ARHGAP1: variants seen among roughly 807,000 people sequenced by gnomAD.
ARHGAP1 encodes the protein Rho GTPase activating protein 1.
In ARHGAP1, 23 loss-of-function variants were observed where a neutral mutation model predicts 52.2. The observed-to-expected ratio is 0.44, with a 90% CI of 0.32 to 0.62. The LOEUF (loss-of-function observed/expected upper bound fraction) is 0.62, where lower values mean the gene tolerates loss of function less well. Ranked by LOEUF, ARHGAP1 falls within the 20% of genes least tolerant of loss-of-function variation. The probability of loss-of-function intolerance (pLI) is 0.05; values close to 1 mark genes in which losing one functional copy is unlikely to be tolerated. For missense variants in ARHGAP1, 480 were observed against 560.9 expected, an observed-to-expected ratio of 0.86 and a Z score of 1.46; for synonymous variants, 210 against 228.4, an observed-to-expected ratio of 0.92 and a Z score of 0.73.
chr11:46,693,427 C>T (rs761799804), intron 3 of ARHGAP1, among the ~76,000 whole-genome samples: 71 of 145,502 alleles, frequency 4.9e-4, no homozygotes, highest in Non-Finnish European at 9.1e-4. Flanking sequence ...TTTCTTTGAG[C>T]CAGGATCTTG....
chr11:46,700,119 G>A (rs111493493), intron 1 of ARHGAP1, among the ~76,000 whole-genome samples: 3 of 152,142 alleles, frequency 2.0e-5, no homozygotes, highest in East Asian at 3.9e-4. Context: ...GCAGTGAACC[G>A]AGACTCCAGC....
In ARHGAP1 at chr11:46,679,724, G is replaced by A. The variant is rs974819576; in HGVS notation, c.951C>T (p.Ile317=). The change falls in exon 11 of 13, where the codon ATC becomes ATT. Residue 317 remains isoleucine, a synonymous_variant. Coordinates refer to ENST00000311956, the MANE Select transcript of ARHGAP1 (RefSeq NM_004308.5). This position sits in a 1 kb window ranked among gnomAD's most constrained non-coding sequence, Gnocchi z 4.4. ...QYNELHLPAV[I]LKTFLRELPE... ...GAAGCTCCCGGAGGAAGGTCTTGAG[G>A]ATGACTGCTGGCAGGTGCAGCTCAT... 1 of 1,613,990 alleles carries A rather than the reference G, an allele frequency of 6.2e-7. No homozygotes were observed. The highest frequency in any genetic ancestry group is 1.3e-5 in the African/African-American group (1 of 74,930).
rs981501539 is a variant in ARHGAP1 at position 46,681,778 on chromosome 11, G to A, written c.449+273C>T. On this transcript the variant is annotated intron_variant, in intron 5 of 12. Transcript: ENST00000311956. The surrounding 1 kb of genome is among the most constrained non-coding windows in gnomAD (Gnocchi z 5.7). Reference sequence around the variant, plus strand: ...TTGAACATGCATGGCCAGCATGCGAGGTAAGGGCCATCACTGTCTCATTTT... The same window carrying A: ...TTGAACATGCATGGCCAGCATGCGAAGTAAGGGCCATCACTGTCTCATTTT... Among the ~76,000 whole-genome samples, 1 of 152,190 alleles carries A rather than the reference G, an allele frequency of 6.6e-6. No homozygotes were observed. The highest frequency in any genetic ancestry group is 1.5e-5 in the Non-Finnish European group (1 of 68,040).
At chr11:46,688,335 C>A in intron 3 of ARHGAP1, 75 bp from the exon 4 acceptor site, 1 of 1,415,706 alleles carries the variant, frequency 7.1e-7, no homozygotes. Context: ...CTTAAAGGGG[C>A]CAGGCCTGCT....
rs1031631282 is a variant in ARHGAP1, at chr11:46,678,911, G to T, written c.*126C>A. ...GCCGTGAGGCGGGCTGGACAGAGGT[G>T]GGGGAGAGCATGCCTGATGGGTGGC... is the stretch of plus-strand genomic sequence containing the variant. On this transcript the variant is annotated 3_prime_UTR_variant, in exon 13 of 13. Transcript: ENST00000311956. The T allele has an allele frequency of 7.3e-6, 8 of 1,100,964 alleles. No individual in the cohort carries two copies. Among genetic ancestry groups the T allele is most frequent in the Middle Eastern group, 2.8e-4 (1 of 3,514 alleles). The allele number at this position is 1,100,964 out of a possible 1,614,324, so 68.2% of individuals were successfully genotyped here. A position where few individuals can be genotyped will look rare whatever the true frequency, so the allele number is the denominator to read the frequency against.
chr11:46,679,143 T>G lies in ARHGAP1; in HGVS notation c.1214A>C (p.Asp405Ala). ...AATGGCCTTGAGGGTGATGGCCGCA[T>G]CCTTGGCCCACAGCAGGTTAGGGCC... ...VFGPNLLWAK[D>A]AAITLKAINP... The change falls in exon 13 of 13, where the codon GAT becomes GCT. Residue 405 changes from aspartate to alanine, a missense_variant. Coordinates refer to ENST00000311956, the MANE Select transcript of ARHGAP1 (RefSeq NM_004308.5). This position sits in a 1 kb window ranked among gnomAD's most constrained non-coding sequence, Gnocchi z 4.4. The G allele has an allele frequency of 6.2e-7, 1 of 1,614,062 alleles. No homozygotes were observed. Among genetic ancestry groups the G allele is most frequent in the South Asian group, 1.1e-5 (1 of 91,080 alleles).
chr11:46,681,617 G>A lies in ARHGAP1; in HGVS notation c.450-238C>T, dbSNP rs1020455442. The A allele has an allele frequency of 5.5e-5, 25 of 453,728 alleles. No individual in the cohort carries two copies. Among genetic ancestry groups the A allele is most frequent in the Non-Finnish European group, 6.1e-5 (15 of 247,888 alleles). 28.1% of individuals were successfully genotyped at this position (453,728 alleles called of 1,614,324 possible). ...CCTAGCTAATTTTTGTATTTTTAGC[G>A]GAGACAGGGTTTCACCATGTTGGCC... On this transcript the variant is annotated intron_variant, in intron 5 of 12. Transcript: ENST00000311956. The surrounding 1 kb of genome is among the most constrained non-coding windows in gnomAD (Gnocchi z 5.7).
At position 46,679,419 on chromosome 11, in the gene ARHGAP1, C is replaced by T. The variant is rs751185981; in HGVS notation, c.1077G>A (p.Thr359=). ...GCACCTGGTAGTTCTCCTCGGGCAG[C>T]GTCTGGAGGACCTGCAGTGTCGCTG... The part of the protein sequence containing the change: ...RVPATLQVLQ[T]LPEENYQVLR... The change falls in exon 12 of 13, where the codon ACG becomes ACA. Residue 359 remains threonine, a synonymous_variant. Transcript: ENST00000311956. The surrounding 1 kb of genome is among the most constrained non-coding windows in gnomAD (Gnocchi z 4.4). The T allele has an allele frequency of 1.2e-5, 19 of 1,614,060 alleles. No homozygotes were observed. The highest frequency in any genetic ancestry group is 2.7e-5 in the African/African-American group (2 of 74,928).
rs2064503109 is a variant in ARHGAP1, at chr11:46,679,092, A to T, written c.1265T>A (p.Phe422Tyr). The change falls in exon 13 of 13, where the codon TTC (phenylalanine) becomes TAC (tyrosine). Residue 422 changes from phenylalanine (F) to tyrosine (Y), a missense_variant. Coordinates refer to ENST00000311956, the MANE Select transcript of ARHGAP1 (RefSeq NM_004308.5). The surrounding 1 kb of genome is among the most constrained non-coding windows in gnomAD (Gnocchi z 4.4). Reference sequence around the variant, plus strand: ...CAGCTCCCCTTGGTGATCCAGAAGGAACTTGGTGAAGGTGTTGATGGGATT... The same window carrying T: ...CAGCTCCCCTTGGTGATCCAGAAGGTACTTGGTGAAGGTGTTGATGGGATT... ...AINPINTFTK[F>Y]LLDHQGELFP... 6.2e-7 allele frequency: 1 copy of T among 1,614,206 alleles called. No individual in the cohort carries two copies. Among genetic ancestry groups the T allele is most frequent in the Non-Finnish European group, 8.5e-7 (1 of 1,180,022 alleles).
Position 46,679,431 on chromosome 11 carries a change from C to T in ARHGAP1, c.1065G>A (p.Gln355=). 1 of 1,614,196 alleles carries T rather than the reference C, an allele frequency of 6.2e-7. No homozygotes were observed. Among genetic ancestry groups the T allele is most frequent in the Non-Finnish European group, 8.5e-7 (1 of 1,180,040 alleles). ...DESQRVPATL[Q]VLQTLPEENY... ...TCTCCTCGGGCAGCGTCTGGAGGAC[C>T]TGCAGTGTCGCTGGCACCCTCTGGC... The change falls in exon 12 of 13, where the codon CAG becomes CAA. Residue 355 remains glutamine, a synonymous_variant. Transcript: ENST00000311956. The surrounding 1 kb of genome is among the most constrained non-coding windows in gnomAD (Gnocchi z 4.4).
intron 4 of ARHGAP1, among the ~76,000 whole-genome samples, chr11:46,682,763 T>C (rs2064538774): frequency 6.6e-6 from 1 of 152,222 alleles, no homozygotes. Flanking sequence ...AACCCGGGCC[T>C]GCCTAGGCCT....
chr11:46,680,720 C>A lies in ARHGAP1; in HGVS notation c.663G>T (p.Gln221His), dbSNP rs1237956979. Residue 221 changes from glutamine to histidine, a missense_variant, in exon 8 of 13, where the codon CAG (glutamine) becomes CAT (histidine). Transcript: ENST00000311956. This position sits in a 1 kb window ranked among gnomAD's most constrained non-coding sequence, Gnocchi z 5.9. Reference protein sequence around the residue: ...LKYDDFLKSTQKSPATAPKPM... With the variant: ...LKYDDFLKSTHKSPATAPKPM... Reference sequence around the variant, plus strand: ...GCTTGGGGGCTGTCGCGGGGCTCTTCTGTGTGGATTTCAGGAAGTCGTCAT... The same window carrying A: ...GCTTGGGGGCTGTCGCGGGGCTCTTATGTGTGGATTTCAGGAAGTCGTCAT... The A allele has an allele frequency of 6.4e-7, 1 of 1,566,078 alleles. No homozygotes were observed. The highest frequency in any genetic ancestry group is 8.6e-7 in the Non-Finnish European group (1 of 1,157,028).
At chr11:46,690,256 G>T (rs1394097963) in intron 3 of ARHGAP1, among the ~76,000 whole-genome samples, 1 of 151,958 alleles carries the variant, frequency 6.6e-6, no homozygotes, top group Non-Finnish European at 1.5e-5. Context: ...GTGTGGTGGC[G>T]GGCACCTGTA....
chr11:46,680,750 G>A lies in ARHGAP1; in HGVS notation c.636-3C>T. 2 of 1,541,180 alleles carry A rather than the reference G, an allele frequency of 1.3e-6. No homozygotes were observed. Among genetic ancestry groups the A allele is most frequent in the Non-Finnish European group, 1.7e-6 (2 of 1,146,642 alleles). ...TGGATTTCAGGAAGTCGTCATATCT[G>A]TAGGAGTAGAGGGAGGTGGGTCAGG... is the stretch of plus-strand genomic sequence containing the variant. On this transcript the variant is annotated splice_region_variant and splice_polypyrimidine_tract_variant and intron_variant, in intron 7 of 12. Coordinates refer to ENST00000311956, the MANE Select transcript of ARHGAP1 (RefSeq NM_004308.5). The surrounding 1 kb of genome is among the most constrained non-coding windows in gnomAD (Gnocchi z 5.9).
At chr11:46,690,870 C>T (rs1484453927) in intron 3 of ARHGAP1, among the ~76,000 whole-genome samples, 2 of 151,996 alleles carry the variant, frequency 1.3e-5, no homozygotes, top group African/African-American at 4.8e-5. Context: ...TTTGTTTACT[C>T]CTGGCAAGCT....
chr11:46,677,753 C>T lies in ARHGAP1; in HGVS notation c.*1284G>A, dbSNP rs1177634110. ...GATCATGAGGTCAGGAGATCGAGAC[C>T]ATCCTGGCCAACATGGTGAAACCCC... On this transcript the variant is annotated 3_prime_UTR_variant, in exon 13 of 13. Coordinates refer to ENST00000311956, the MANE Select transcript of ARHGAP1 (RefSeq NM_004308.5). 1 of 292,100 alleles carries T rather than the reference C, an allele frequency of 3.4e-6. No homozygotes were observed. The highest frequency in any genetic ancestry group is 6.7e-6 in the Non-Finnish European group (1 of 148,286). The allele number at this position is 292,100 out of a possible 1,614,324, so 18.1% of individuals were successfully genotyped here.
At position 46,680,932 on chromosome 11, in the gene ARHGAP1, C is replaced by T; in HGVS notation, c.635+79G>A. On this transcript the variant is annotated intron_variant, in intron 7 of 12. Coordinates refer to ENST00000311956, the MANE Select transcript of ARHGAP1 (RefSeq NM_004308.5). The surrounding 1 kb of genome is among the most constrained non-coding windows in gnomAD (Gnocchi z 5.9). ...GGGACACGGGCTTGCTCTGCCTAAGCCCCACGCGGTCTCTGAATCAGGACA... is the reference window on the plus strand; with the variant it reads ...GGGACACGGGCTTGCTCTGCCTAAGTCCCACGCGGTCTCTGAATCAGGACA... 2 of 1,356,170 alleles carry T rather than the reference C, an allele frequency of 1.5e-6. No individual in the cohort carries two copies. Among genetic ancestry groups the T allele is most frequent in the South Asian group, 2.4e-5 (2 of 84,344 alleles). 84.0% of individuals were successfully genotyped at this position (1,356,170 alleles called of 1,614,324 possible). A position where few individuals can be genotyped will look rare whatever the true frequency, so the allele number is the denominator to read the frequency against.
In ARHGAP1 at chr11:46,696,303, C is replaced by A; in HGVS notation, c.-49-147G>T. 1.6e-6 allele frequency: 1 copy of A among 606,136 alleles called. No individual in the cohort carries two copies. 37.5% of individuals were successfully genotyped at this position (606,136 alleles called of 1,614,324 possible). A position where few individuals can be genotyped will look rare whatever the true frequency, so the allele number is the denominator to read the frequency against. On this transcript the variant is annotated intron_variant, in intron 1 of 12. Transcript: ENST00000311956. The surrounding 1 kb of genome is among the most constrained non-coding windows in gnomAD (Gnocchi z 4.8). ...ACACTCCTCATCCCCGCCAAGAGCT[C>A]CACGTAGCTCTGGGTTCTCCTGGCT...
In ARHGAP1 at chr11:46,696,848, C is replaced by T. The variant is rs112374431; in HGVS notation, c.-49-692G>A. Among the ~76,000 whole-genome samples the T allele has an allele frequency of 1.3e-5, 2 of 152,120 alleles. No homozygotes were observed. The highest frequency in any genetic ancestry group is 4.8e-5 in the African/African-American group (2 of 41,504). ...TGTGCCATTGCACTTCCAGCCTAGGCGACAGGGCAAGACTCCATCCCAAAA... is the reference window on the plus strand; with the variant it reads ...TGTGCCATTGCACTTCCAGCCTAGGTGACAGGGCAAGACTCCATCCCAAAA... On this transcript the variant is annotated intron_variant, in intron 1 of 12. Transcript: ENST00000311956. The surrounding 1 kb of genome is among the most constrained non-coding windows in gnomAD (Gnocchi z 4.8).
Sources: allele counts gnomAD v4.1 joint callset (sites outside exome capture counted in the v4.1 genomes callset), GRCh38; gene constraint gnomAD v4.1.1; non-coding constraint Gnocchi (gnomAD v3.1); transcripts MANE v1.5; gene names NCBI Gene and HGNC (gene_info 2026-07-23, HGNC 2026-07-21).